RASA3: variants seen among roughly 807,000 people sequenced by gnomAD.
The protein encoded by RASA3 is RAS p21 protein activator 3.
RASA3 carries 73 observed loss-of-function variants against 110.0 expected under a neutral mutation model. That is an observed-to-expected ratio of 0.66 (90% CI 0.55 to 0.81). RASA3 has a LOEUF of 0.81. RASA3 is among the 30% of genes least tolerant of loss of function. The pLI, the probability that RASA3 is intolerant of heterozygous loss-of-function variation, is 0.00. For missense variants in RASA3, 976 were observed against 1,113.2 expected (o/e 0.88, Z 1.75); for synonymous variants, 500 against 451.4 (o/e 1.11, Z -1.37).
chr13:114,019,250 G>A (rs2053863417), intron 9 of RASA3, among the ~76,000 whole-genome samples: 1 of 152,242 alleles, frequency 6.6e-6, no homozygotes, highest in Non-Finnish European at 1.5e-5. Context: ...ACCCAGCAGT[G>A]TCAGCAGCAG....
chr13:114,111,452 C>G lies in RASA3; in HGVS notation c.55+20983G>C, dbSNP rs9590445. On this transcript the variant is annotated intron_variant, in intron 1 of 23. Transcript: ENST00000334062. ...AGTTCTAAGGAGCTGAGCCTCAAAC[C>G]AGCTGCAGACCGAGTTCTAACGGGC... is the stretch of plus-strand genomic sequence containing the variant. 3.9e-5 allele frequency among the ~76,000 whole-genome samples: 3 copies of G among 76,880 alleles called. 1 individual carries two copies. The highest frequency in any genetic ancestry group is 5.3e-5 in the Non-Finnish European group (2 of 37,624). 50.4% of individuals were successfully genotyped at this position (76,880 alleles called of 152,430 possible).
At position 113,978,999 on chromosome 13, in the gene RASA3, A is replaced by C; in HGVS notation, c.*348T>G. The C allele has an allele frequency of 3.1e-6, 1 of 327,866 alleles. No individual in the cohort carries two copies. Among genetic ancestry groups the C allele is most frequent in the Non-Finnish European group, 5.8e-6 (1 of 173,012 alleles). The allele number at this position is 327,866 out of a possible 1,614,324, so 20.3% of individuals were successfully genotyped here. A position where few individuals can be genotyped will look rare whatever the true frequency, so the allele number is the denominator to read the frequency against. On this transcript the variant is annotated 3_prime_UTR_variant, in exon 24 of 24. Coordinates refer to ENST00000334062, the MANE Select transcript of RASA3 (RefSeq NM_007368.4). ...GCACACACGGCCGGAGGTGCATGTC[A>C]CAGTCGACTAGACGGGCCGTGGCTC...
chr13:114,028,054 G>A (rs2054060940), intron 5 of RASA3, 127 bp from the exon 6 acceptor site: 7 of 739,448 alleles, frequency 9.5e-6, no homozygotes, highest in South Asian at 3.6e-5. Flanking sequence ...CCGGAAGGCA[G>A]GGAGGGCCAC....
In RASA3 at chr13:114,111,086, A is replaced by C. The variant is rs113419339; in HGVS notation, c.55+21349T>G. On this transcript the variant is annotated intron_variant, in intron 1 of 23. Coordinates refer to ENST00000334062, the MANE Select transcript of RASA3 (RefSeq NM_007368.4). ...TGAGCCTCAAACCAGCTGCAGGCCG[A>C]GTTCTAACGGGCTGAGCCACAAAGA... 3.7e-3 allele frequency among the ~76,000 whole-genome samples: 299 copies of C among 81,336 alleles called. 16 individuals are homozygous for C. The highest frequency in any genetic ancestry group is 8.6e-3 in the South Asian group (18 of 2,104). 53.4% of individuals were successfully genotyped at this position (81,336 alleles called of 152,430 possible).
chr13:114,027,293 G>C (rs1255712701), intron 7 of RASA3, 96 bp downstream of exon 7: 2 of 1,105,562 alleles, frequency 1.8e-6, no homozygotes, highest in African/African-American at 3.2e-5. Flanking sequence ...GGAACTTCCA[G>C]AGGGAAGAGA....
chr13:114,037,791 C>T (rs1466379910), intron 4 of RASA3, among the ~76,000 whole-genome samples: 1 of 152,214 alleles, frequency 6.6e-6, no homozygotes, highest in African/African-American at 2.4e-5. Flanking sequence ...GTGGACTGCA[C>T]AAACGTCGGC....
At chr13:114,000,157 GTCTCTGCTGGGGGT>G (rs2053360604) in intron 19 of RASA3, among the ~76,000 whole-genome samples, 1 of 121,716 alleles carries the variant, frequency 8.2e-6, no homozygotes, top group African/African-American at 3.7e-5. Flanking sequence ...TGTTGGGGGT[GTCTCTGCTGGGGGT>G]CTCTGCCAGC....
At chr13:114,083,238 A>C (rs1430222610) in intron 1 of RASA3, among the ~76,000 whole-genome samples, 1 of 152,244 alleles carries the variant, frequency 6.6e-6, no homozygotes, top group Non-Finnish European at 1.5e-5. Context: ...ATTGCAGTGT[A>C]ACCGCTATAT....
chr13:114,047,879 A>G (rs1236121372), intron 3 of RASA3, among the ~76,000 whole-genome samples: 1 of 152,218 alleles, frequency 6.6e-6, no homozygotes, highest in East Asian at 1.9e-4. Flanking sequence ...TCCACCCCAA[A>G]GGGGCCCAAA....
intron 2 of RASA3, among the ~76,000 whole-genome samples, chr13:114,072,955 G>A (rs1306617258): frequency 2.2e-5 from 3 of 137,042 alleles, no homozygotes; most frequent in Non-Finnish European, 4.5e-5. Context: ...AAAATGGGAC[G>A]GTGATATACA....
chr13:114,087,517 C>T (rs901376031), intron 1 of RASA3, among the ~76,000 whole-genome samples: 4 of 152,348 alleles, frequency 2.6e-5, no homozygotes, highest in Admixed American at 6.5e-5. Context: ...TTTCCAGAGC[C>T]GGCGGGATTG....
At chr13:114,109,218 G>A (rs1186091748) in intron 1 of RASA3, among the ~76,000 whole-genome samples, 1 of 152,196 alleles carries the variant, frequency 6.6e-6, no homozygotes. Flanking sequence ...TTCAGTCCAC[G>A]CCTCTGGTGC....
chr13:114,011,106 T>C lies in RASA3; in HGVS notation c.1590+65A>G. The C allele has an allele frequency of 2.1e-6, 3 of 1,422,818 alleles. No homozygotes were observed. Among genetic ancestry groups the C allele is most frequent in the South Asian group, 1.2e-5 (1 of 83,618 alleles). 88.1% of individuals were successfully genotyped at this position (1,422,818 alleles called of 1,614,324 possible). Reference sequence around the variant, plus strand: ...TCAAATGTGGGAGGTTTTTCACGTGTATTTTCTGAAGAGAGAAAAGAATCA... The same window carrying C: ...TCAAATGTGGGAGGTTTTTCACGTGCATTTTCTGAAGAGAGAAAAGAATCA... On this transcript the variant is annotated intron_variant, in intron 16 of 23. Transcript: ENST00000334062. This position sits in a 1 kb window ranked among gnomAD's most constrained non-coding sequence, Gnocchi z 4.8.
At chr13:114,030,785 A>G (rs970455335) in intron 4 of RASA3, among the ~76,000 whole-genome samples, 1 of 148,082 alleles carries the variant, frequency 6.8e-6, no homozygotes, top group Non-Finnish European at 1.5e-5. Context: ...CTGTGTGTGC[A>G]TGTCCACCTG....
chr13:114,004,564 G>A (rs190676712), intron 18 of RASA3, among the ~76,000 whole-genome samples: 1 of 152,124 alleles, frequency 6.6e-6, no homozygotes, highest in African/African-American at 2.4e-5. Context: ...CCCAGCTCAC[G>A]CCAGGCAGAA....
At chr13:114,003,647 G>GT (rs2053452256) in intron 18 of RASA3, among the ~76,000 whole-genome samples, 1 of 148,202 alleles carries the variant, frequency 6.7e-6, no homozygotes, top group South Asian at 2.1e-4. Context: ...CCACAGGCTC[G>GT]TAATATATTC....
At chr13:114,015,161 A>G (rs748524388) in intron 14 of RASA3, 48 bp downstream of exon 14, 5 of 1,607,892 alleles carry the variant, frequency 3.1e-6, no homozygotes, top group Admixed American at 3.3e-5. Context: ...CACCCTGCAC[A>G]GCGCTATGGC....
chr13:114,089,771 A>G (rs1436572602), intron 1 of RASA3, among the ~76,000 whole-genome samples: 2 of 152,006 alleles, frequency 1.3e-5, no homozygotes, highest in African/African-American at 4.8e-5. Flanking sequence ...CGTTATCACG[A>G]TTGACGCGAG....
intron 18 of RASA3, among the ~76,000 whole-genome samples, chr13:114,004,667 G>A (rs770037671): frequency 2.6e-5 from 4 of 152,244 alleles, no homozygotes; most frequent in Non-Finnish European, 5.9e-5. Context: ...TGTGGAGGAC[G>A]TGAGCGCTTG....
Sources: gnomAD v4.1 joint callset for allele counts (sites outside exome capture counted in the v4.1 genomes callset) on GRCh38, gnomAD v4.1.1 for gene constraint, Gnocchi (gnomAD v3.1) non-coding constraint, MANE v1.5 for transcripts, NCBI Gene and HGNC (gene_info 2026-07-23, HGNC 2026-07-21) for gene names.